Variants in CHAT observed in about 807,000 individuals in gnomAD.
CHAT encodes the protein choline O-acetyltransferase, also known as acetyl CoA:choline O-acetyltransferase.
A neutral mutation model predicts 76.9 loss-of-function variants in CHAT; 61 were observed. That is an observed-to-expected ratio of 0.79 (90% confidence interval 0.65 to 0.98). The LOEUF is 0.98. Among genes scored for constraint, CHAT ranks in the 50% least tolerant of loss-of-function variants. The pLI is 0.00. For missense variants in CHAT, 946 were observed against 986.9 expected (o/e 0.96, Z 0.56); for synonymous variants, 407 against 397.4 (o/e 1.02, Z -0.29).
At chr10:49,612,265 G>A (rs761075493), upstream of CHAT, 25 of 1,610,676 alleles carry the variant, frequency 1.6e-5, no homozygotes, top group South Asian at 3.3e-5. Context: ...TGGCCAGGAC[G>A]GCGAGCCTCG....
chr10:49,627,779 G>A lies in CHAT; in HGVS notation c.1105G>A (p.Val369Met), dbSNP rs769754418. 1.1e-5 allele frequency: 17 copies of A among 1,613,448 alleles called. No individual in the cohort carries two copies. Among genetic ancestry groups the A allele is most frequent in the African/African-American group, 5.3e-5 (4 of 74,942 alleles). ...SEWAEARTVL[V>M]KDSTNRDSLD... ...GTGGGCCGAGGCCAGGACGGTCCTC[G>A]TGAAAGGTCAGCCGCAGTGCCCAGC... is the stretch of plus-strand genomic sequence containing the variant. Residue 369 changes from valine (V) to methionine (M), a missense_variant, in exon 7 of 15, where the codon GTG becomes ATG. Around this residue, in one of 3 missense-constraint regions of CHAT, gnomAD observed 548 missense variants for 516.2 expected, o/e 1.06. Coordinates refer to ENST00000337653, the MANE Select transcript of CHAT (RefSeq NM_020549.5).
Position 49,619,781 on chromosome 10 carries a change from G to A in CHAT, c.444G>A (p.Gln148=). 1 of 1,614,112 alleles carries A rather than the reference G, an allele frequency of 6.2e-7. No homozygotes were observed. Among genetic ancestry groups the A allele is most frequent in the African/African-American group, 1.3e-5 (1 of 75,044 alleles). Residue 148 remains glutamine, a synonymous_variant, in exon 3 of 15, where the codon CAG becomes CAA. Transcript: ENST00000337653. ...AGCAGACCCTGGCCACGTACCTGCA[G>A]TGCATGCGACACTTGGTGTCTGAGG... The part of the protein sequence containing the change: ...PLQQTLATYL[Q]CMRHLVSEEQ...
intron 7 of CHAT, among the ~76,000 whole-genome samples, chr10:49,638,638 T>C (rs899816991): frequency 2.6e-5 from 4 of 152,230 alleles, no homozygotes; most frequent in African/African-American, 9.6e-5. Flanking sequence ...ACCTTGTATA[T>C]ACATAACTTA....
At chr10:49,627,567 GC>G in intron 6 of CHAT, 40 bp from the exon 7 acceptor site, 1 of 1,608,334 alleles carries the variant, frequency 6.2e-7, no homozygotes, top group Non-Finnish European at 8.5e-7. Context: ...GGTGCCACGG[GC>G]CACCCAACAA....
Position 49,666,902 on chromosome 10 carries a change from C to T in CHAT, c.*1856C>T, listed in dbSNP as rs1840350759. Reference sequence around the variant, plus strand: ...GCCCAAAGCTACTTGTCTGTTCTCTCCAAGTGACCACAGTGCAGATCTGAG... The same window carrying T: ...GCCCAAAGCTACTTGTCTGTTCTCTTCAAGTGACCACAGTGCAGATCTGAG... On this transcript the variant is annotated 3_prime_UTR_variant, in exon 15 of 15. Transcript: ENST00000337653. Among the ~76,000 whole-genome samples the T allele has an allele frequency of 6.6e-6, 1 of 152,204 alleles. No homozygotes were observed.
intron 1 of CHAT, chr10:49,615,627 C>A: frequency 5.2e-6 from 1 of 192,144 alleles, no homozygotes; most frequent in Admixed American, 5.5e-5. Flanking sequence ...TGGTGGAAAA[C>A]ATGAGTATGT....
Position 49,649,544 on chromosome 10 carries a change from C to T in CHAT, c.1419C>T (p.Ser473=), listed in dbSNP as rs200175587. The change falls in exon 10 of 15, where the codon TCC becomes TCT. Residue 473 remains serine, a synonymous_variant. Transcript: ENST00000337653. ...QSSRKLIRAD[S]VSELPAPRRL... ...GCAGGAAGCTGATCCGAGCAGACTC[C>T]GTCAGCGAGCTCCCCGCCCCCCGGA... 7.9e-5 allele frequency: 127 copies of T among 1,613,862 alleles called. 1 individual carries two copies. The African/African-American group carries it at 9.1e-4, about 12-fold the overall frequency.
chr10:49,643,777 C>G (rs1191438060), intron 7 of CHAT, among the ~76,000 whole-genome samples: 1 of 152,190 alleles, frequency 6.6e-6, no homozygotes, highest in Non-Finnish European at 1.5e-5. Context: ...GTCCACAGAT[C>G]CCAGCCCTAC....
At chr10:49,639,309 G>A (rs1409654863) in intron 7 of CHAT, among the ~76,000 whole-genome samples, 2 of 151,968 alleles carry the variant, frequency 1.3e-5, no homozygotes, top group Non-Finnish European at 2.9e-5. Flanking sequence ...TGTCTGCTTG[G>A]CATAAATTCT....
Position 49,666,476 on chromosome 10 carries a change from C to T in CHAT, c.*1430C>T, listed in dbSNP as rs781589281. 6.6e-6 allele frequency among the ~76,000 whole-genome samples: 1 copy of T among 152,234 alleles called. No homozygotes were observed. The highest frequency in any genetic ancestry group is 1.5e-5 in the Non-Finnish European group (1 of 68,042). The stretch of plus-strand genomic sequence containing the variant: ...TACAGCATAGAGCCCGTGTGTTCTG[C>T]TCCACATCCCTCCAATCCTGCTGCT... On this transcript the variant is annotated 3_prime_UTR_variant, in exon 15 of 15. Coordinates refer to ENST00000337653, the MANE Select transcript of CHAT (RefSeq NM_020549.5).
intron 7 of CHAT, among the ~76,000 whole-genome samples, chr10:49,641,351 G>A (rs1006852686): frequency 7.9e-5 from 12 of 151,454 alleles, no homozygotes; most frequent in African/African-American, 2.2e-4. Flanking sequence ...CCTTCCTCTC[G>A]CCATCTTTCA....
At position 49,647,679 on chromosome 10, in the gene CHAT, G is replaced by A. The variant is rs143590665; in HGVS notation, c.1282-828G>A. On this transcript the variant is annotated intron_variant, in intron 8 of 14. Transcript: ENST00000337653. ...TTTCATGGAGCTGTGGGGGTGAACC[G>A]ATATAATACATGCACAGAATCTGGA... 9.5e-4 allele frequency among the ~76,000 whole-genome samples: 145 copies of A among 152,298 alleles called. 2 individuals carry two copies. The highest frequency in any genetic ancestry group is 3.3e-3 in the African/African-American group (138 of 41,546).
chr10:49,615,166 G>A (rs373455051), intron 1 of CHAT, among the ~76,000 whole-genome samples: 3 of 151,910 alleles, frequency 2.0e-5, no homozygotes, highest in African/African-American at 7.3e-5. Flanking sequence ...TGGGGGGGAG[G>A]GGGGGGCTCT....
chr10:49,611,443 C>G, upstream of CHAT: 3 of 1,598,300 alleles, frequency 1.9e-6, no homozygotes, highest in Non-Finnish European at 2.5e-6. Flanking sequence ...CGGGGGCATC[C>G]TCTATGAGTT....
chr10:49,665,108 C>A lies in CHAT; in HGVS notation c.*62C>A. On this transcript the variant is annotated 3_prime_UTR_variant, in exon 15 of 15. Coordinates refer to ENST00000337653, the MANE Select transcript of CHAT (RefSeq NM_020549.5). ...CTAGAACAGCCAGACCCTGCAGATC[C>A]CCACTCCCGTCCCTTACCCCAGCTT... The A allele has an allele frequency of 6.3e-7, 1 of 1,581,988 alleles. No homozygotes were observed. Among genetic ancestry groups the A allele is most frequent in the Non-Finnish European group, 8.7e-7 (1 of 1,154,438 alleles).
At chr10:49,652,699 G>A (rs1018345105) in intron 11 of CHAT, among the ~76,000 whole-genome samples, 1 of 152,160 alleles carries the variant, frequency 6.6e-6, no homozygotes, top group Non-Finnish European at 1.5e-5. Flanking sequence ...ACTTCCCAGC[G>A]CCTTCACACC....
chr10:49,662,433 T>C (rs1840220006), intron 13 of CHAT, among the ~76,000 whole-genome samples: 1 of 152,188 alleles, frequency 6.6e-6, no homozygotes, highest in South Asian at 2.1e-4. Flanking sequence ...ATTCAGTGCA[T>C]GTGGAAATGC....
At chr10:49,659,309 A>AATGAGGG (rs1428876817) in intron 13 of CHAT, among the ~76,000 whole-genome samples, 1 of 152,230 alleles carries the variant, frequency 6.6e-6, no homozygotes, top group Non-Finnish European at 1.5e-5. Flanking sequence ...TTACTTATTA[A>AATGAGGG]GCACCATTTC....
intron 2 of CHAT, among the ~76,000 whole-genome samples, chr10:49,617,714 C>T (rs920806613): frequency 6.6e-6 from 1 of 152,066 alleles, no homozygotes; most frequent in Admixed American, 6.5e-5. Context: ...TCTGTAGGTG[C>T]TCACCCACCC....
Sources: allele counts gnomAD v4.1 joint callset (sites outside exome capture counted in the v4.1 genomes callset), GRCh38; gene constraint gnomAD v4.1.1; regional missense constraint gnomAD v4.1.1; transcripts MANE v1.5; gene names NCBI Gene and HGNC (gene_info 2026-07-23, HGNC 2026-07-21).